The following FARP1 variants were observed in gnomAD, a reference collection of about 807,000 sequenced individuals.
FARP1 encodes the protein FERM, ARHGEF and pleckstrin domain-containing protein 1.
A neutral mutation model predicts 128.8 loss-of-function variants in FARP1; 52 were observed. That is an observed-to-expected ratio of 0.40 (90% confidence interval 0.32 to 0.51). The LOEUF (loss-of-function observed/expected upper bound fraction) is 0.51. FARP1 is among the 20% of genes least tolerant of loss of function. The pLI is 0.45. For missense variants in FARP1, 1,333 were observed against 1,367.9 expected, an observed-to-expected ratio of 0.97 and a Z score of 0.40; for synonymous variants, 580 against 551.8, an observed-to-expected ratio of 1.05 and a Z score of -0.72.
chr13:98,278,991 A>ATTTTTTT (rs1159451553), intron 2 of FARP1, among the ~76,000 whole-genome samples: 1,819 of 131,906 alleles, frequency 0.014, 23 homozygotes, highest in Non-Finnish European at 0.021. Context: ...ACGCCCTGCT[A>ATTTTTTT]ATTTTTTTTT....
chr13:98,277,109 T>TACACACAC (rs368911842), intron 2 of FARP1, among the ~76,000 whole-genome samples: 4,375 of 118,142 alleles, frequency 0.037, 156 homozygotes, highest in African/African-American at 0.067. Context: ...TCTAGAAAAA[T>TACACACAC]ACACACACAC....
At chr13:98,318,337 A>G (rs1886833224) in intron 2 of FARP1, among the ~76,000 whole-genome samples, 1 of 152,112 alleles carries the variant, frequency 6.6e-6, no homozygotes, top group Admixed American at 6.5e-5. Flanking sequence ...GATTTCAGGC[A>G]TGAGCCACCA....
At chr13:98,274,192 G>C (rs9513385) in intron 2 of FARP1, among the ~76,000 whole-genome samples, 44,951 of 151,852 alleles carry the variant, frequency 0.3, 6,971 homozygotes, top group South Asian at 0.47. Flanking sequence ...GTGATTGTTA[G>C]AGGAAAAAAG....
At chr13:98,247,434 C>G (rs778332005) in intron 2 of FARP1, among the ~76,000 whole-genome samples, 1 of 152,160 alleles carries the variant, frequency 6.6e-6, no homozygotes, top group African/African-American at 2.4e-5. Context: ...ATGACCAGGC[C>G]GGGTCACTAA....
In FARP1 at chr13:98,454,988, G is replaced by A. The variant is rs1429752682; in HGVS notation, c.*6671G>A. The A allele has an allele frequency of 6.6e-6, 1 of 152,190 alleles. No individual in the cohort carries two copies. The highest frequency in any genetic ancestry group is 1.9e-4 in the East Asian group (1 of 5,200). The allele number at this position is 152,190 out of a possible 1,614,324, so 9.4% of individuals were successfully genotyped here. Reference sequence around the variant, plus strand: ...TCAGGTAGCTACAGACCCGCCCGAGGGTAAATAGGGTCAACCCCAGCCACG... The same window carrying A: ...TCAGGTAGCTACAGACCCGCCCGAGAGTAAATAGGGTCAACCCCAGCCACG... On this transcript the variant is annotated 3_prime_UTR_variant, in exon 27 of 27. Transcript: ENST00000319562.
intron 12 of FARP1, among the ~76,000 whole-genome samples, chr13:98,394,898 C>T (rs1192397048): frequency 2.0e-5 from 3 of 152,164 alleles, no homozygotes; most frequent in Non-Finnish European, 4.4e-5. Context: ...GCACTCCAGC[C>T]TAGGTGACAG....
Position 98,200,393 on chromosome 13 carries a change from C to G in FARP1, c.-23-12827C>G, listed in dbSNP as rs916029222. 4.1e-5 allele frequency among the ~76,000 whole-genome samples: 6 copies of G among 144,838 alleles called. 1 individual carries two copies. The highest frequency in any genetic ancestry group is 1.0e-4 in the African/African-American group (4 of 38,426). ...CACCTGGAATGCAACCTTCACCCCC[C>G]CCCCCTCCCCTTTGTGATTCAGTGG... is the stretch of plus-strand genomic sequence containing the variant. On this transcript the variant is annotated intron_variant, in intron 1 of 26. Transcript: ENST00000319562.
In FARP1 at chr13:98,390,216, C is replaced by A. The variant is rs576790862; in HGVS notation, c.1019+96C>A. 7.5e-6 allele frequency: 10 copies of A among 1,326,848 alleles called. 1 individual carries two copies. In the South Asian group the frequency reaches 1.1e-4, roughly 15 times the overall value. 82.2% of individuals were successfully genotyped at this position (1,326,848 alleles called of 1,614,324 possible). ...ACACACAGCAGGTCAGGGAGGTGAA[C>A]GCTCATTGGCCTCCAGGAGCTATGG... is the stretch of plus-strand genomic sequence containing the variant. On this transcript the variant is annotated intron_variant, in intron 10 of 26. Transcript: ENST00000319562.
chr13:98,438,126 C>T (rs1448584470), intron 19 of FARP1, among the ~76,000 whole-genome samples: 7 of 152,240 alleles, frequency 4.6e-5, no homozygotes, highest in Admixed American at 3.3e-4. Context: ...TTTTTAAGTG[C>T]TTGTGCCCCT....
chr13:98,343,753 T>G lies in FARP1; in HGVS notation c.172-9T>G. The G allele has an allele frequency of 6.2e-7, 1 of 1,605,674 alleles. No individual in the cohort carries two copies. Among genetic ancestry groups the G allele is most frequent in the Middle Eastern group, 1.7e-4 (1 of 6,012 alleles). ...CCTCAGGGATAACCCCTGTTGTTTC[T>G]GCTCACAGCAAAGAGCTCCTGGGAA... On this transcript the variant is annotated splice_polypyrimidine_tract_variant and intron_variant, in intron 2 of 26. Transcript: ENST00000319562.
intron 1 of FARP1, among the ~76,000 whole-genome samples, chr13:98,163,480 C>T (rs1877024846): frequency 6.6e-6 from 1 of 151,944 alleles, no homozygotes; most frequent in African/African-American, 2.4e-5. Flanking sequence ...AAAAAATTGC[C>T]CCTCCCCTTC....
intron 2 of FARP1, among the ~76,000 whole-genome samples, chr13:98,256,071 C>T (rs1433992475): frequency 6.6e-6 from 1 of 152,172 alleles, no homozygotes; most frequent in Non-Finnish European, 1.5e-5. Flanking sequence ...AGGTTCGCTT[C>T]TAGGAGGTGC....
chr13:98,278,733 AATTT>A (rs1313489703), intron 2 of FARP1, among the ~76,000 whole-genome samples: 2 of 152,170 alleles, frequency 1.3e-5, no homozygotes, highest in Non-Finnish European at 2.9e-5. Context: ...CTATGTCATA[AATTT>A]ATTAATATTA....
intron 19 of FARP1, 75 bp downstream of exon 19, chr13:98,435,781 T>G (rs1892239881): frequency 6.7e-7 from 1 of 1,503,428 alleles, no homozygotes; most frequent in Middle Eastern, 1.7e-4. Context: ...CATTTGAACC[T>G]TTTGAAGAGA....
chr13:98,286,687 C>A (rs1471795224), intron 2 of FARP1, among the ~76,000 whole-genome samples: 1 of 152,150 alleles, frequency 6.6e-6, no homozygotes, highest in Non-Finnish European at 1.5e-5. Flanking sequence ...CTAAAACACC[C>A]CTTTTCAGTC....
chr13:98,450,970 C>T lies in FARP1; in HGVS notation c.*2653C>T, dbSNP rs2139213489. On this transcript the variant is annotated 3_prime_UTR_variant, in exon 27 of 27. Coordinates refer to ENST00000319562, the MANE Select transcript of FARP1 (RefSeq NM_005766.4). ...CCCGACAGGAAATGCTGCCAGTCAA[C>T]TCTAAAAGAACCACTTGTTGCTCTA... 6.6e-6 allele frequency: 1 copy of T among 152,384 alleles called. No individual in the cohort carries two copies. The highest frequency in any genetic ancestry group is 2.1e-4 in the South Asian group (1 of 4,828). The allele number at this position is 152,384 out of a possible 1,614,324, so 9.4% of individuals were successfully genotyped here.
intron 2 of FARP1, among the ~76,000 whole-genome samples, chr13:98,299,125 A>G (rs1244891555): frequency 6.6e-6 from 1 of 152,220 alleles, no homozygotes; most frequent in Non-Finnish European, 1.5e-5. Flanking sequence ...ATTGATTTTA[A>G]TGCTGGGTAA....
intron 2 of FARP1, among the ~76,000 whole-genome samples, chr13:98,307,414 C>T (rs1228978705): frequency 1.3e-5 from 2 of 152,088 alleles, no homozygotes; most frequent in African/African-American, 4.8e-5. Context: ...CCGGTTTCCC[C>T]CACCACCCCA....
At chr13:98,439,286 C>A in intron 21 of FARP1, 90 bp downstream of exon 21, 1 of 863,048 alleles carries the variant, frequency 1.2e-6, no homozygotes, top group Non-Finnish European at 1.9e-6. Context: ...GGGAAGGAGA[C>A]TGGATAGGGA....
Sources: gnomAD v4.1 joint callset for allele counts (sites outside exome capture counted in the v4.1 genomes callset) on GRCh38, gnomAD v4.1.1 for gene constraint, MANE v1.5 for transcripts, NCBI Gene and HGNC (gene_info 2026-07-23, HGNC 2026-07-21) for gene names.